Variants in LAMB1 observed in about 807,000 individuals in gnomAD.
LAMB1 encodes the protein laminin subunit beta 1, also known as laminin subunit beta-1.
In LAMB1, 121 loss-of-function variants were observed where a neutral mutation model predicts 222.3. The observed-to-expected ratio is 0.54, with a 90% CI of 0.47 to 0.63. LAMB1 has a LOEUF of 0.63. Ranked by LOEUF, LAMB1 falls within the 30% of genes least tolerant of loss-of-function variation. The pLI is 0.00. For synonymous variants in LAMB1, 794 were observed against 807.2 expected (o/e 0.98, Z 0.28); for missense variants, 2,172 against 2,240.8 (o/e 0.97, Z 0.62).
rs1375803439 is a variant in LAMB1, at chr7:107,937,222, C to A, written c.3817G>T (p.Asp1273Tyr). 6.2e-7 allele frequency: 1 copy of A among 1,613,844 alleles called. No individual in the cohort carries two copies. The highest frequency in any genetic ancestry group is 1.3e-5 in the African/African-American group (1 of 74,902). ...MMAQVEVKLS[D>Y]TTSQSNSTAK... is the part of the protein sequence containing the mutation. ...GTGCTGTTGCTTTGGGAAGTTGTGT[C>A]AGATAATTTCACTTCTACTTGAGCC... is the stretch of plus-strand genomic sequence containing the variant. Residue 1273 changes from aspartate to tyrosine, a missense_variant, in exon 26 of 34, where the codon GAC (aspartate) becomes TAC (tyrosine). Transcript: ENST00000222399.
intron 9 of LAMB1, among the ~76,000 whole-genome samples, 181 bp from the exon 10 acceptor site, chr7:107,976,058 A>C (rs2033847683): frequency 6.6e-6 from 1 of 152,322 alleles, no homozygotes; most frequent in South Asian, 2.1e-4. Context: ...ACCCTAAAGT[A>C]GATGAGAAAT....
chr7:107,985,528 C>T (rs1389193292), intron 7 of LAMB1, among the ~76,000 whole-genome samples: 1 of 152,152 alleles, frequency 6.6e-6, no homozygotes. Flanking sequence ...ACTCGGGAGG[C>T]TGAGGCAGGA....
At chr7:107,996,621 T>C (rs1271317103) in intron 4 of LAMB1, among the ~76,000 whole-genome samples, 1 of 152,230 alleles carries the variant, frequency 6.6e-6, no homozygotes, top group Non-Finnish European at 1.5e-5. Flanking sequence ...ATCTAATCTC[T>C]TGTGACAGAG....
chr7:107,946,117 A>T (rs1038222695), intron 24 of LAMB1, among the ~76,000 whole-genome samples: 1 of 152,124 alleles, frequency 6.6e-6, no homozygotes, highest in Non-Finnish European at 1.5e-5. Context: ...ACACCCTAAG[A>T]TTCAGGTAAT....
intron 24 of LAMB1, among the ~76,000 whole-genome samples, chr7:107,946,819 A>G (rs2033126313): frequency 6.6e-6 from 1 of 152,242 alleles, no homozygotes; most frequent in Non-Finnish European, 1.5e-5. Flanking sequence ...TCTGGGCAAA[A>G]GAACACACTG....
rs757172023 is a variant in LAMB1, at chr7:107,932,304, CCTT to C, written c.4259_4261del (p.Glu1420del). ...GCCAGGCCCCCCACACTTCCTCTCT[CCTT>C]CGTCAGTTCTGCAGTTTGGCCCGCC... On this transcript the variant is annotated inframe_deletion, in exon 28 of 34. Transcript: ENST00000222399. The C allele has an allele frequency of 2.5e-6, 4 of 1,614,106 alleles. No homozygotes were observed. The African/African-American group carries it at 4.0e-5, about 16-fold the overall frequency.
intron 13 of LAMB1, among the ~76,000 whole-genome samples, chr7:107,970,629 C>T (rs2033729843): frequency 1.3e-5 from 2 of 152,012 alleles, no homozygotes; most frequent in African/African-American, 2.4e-5. Context: ...TAGCATTTAC[C>T]TAGCAACCAA....
At chr7:107,928,962 TGTTGA>T in intron 31 of LAMB1, 97 bp downstream of exon 31, 1 of 1,102,150 alleles carries the variant, frequency 9.1e-7, no homozygotes, top group East Asian at 2.4e-5. Context: ...AATCCTTTAA[TGTTGA>T]GTTGTAAGAA....
Position 107,946,269 on chromosome 7 carries a change from T to A in LAMB1, c.3391+4957A>T, listed in dbSNP as rs191788660. Reference sequence around the variant, plus strand: ...GGCAATTTAAATAATTTTTATTTCTTACATGGGATTTTCTTTTTTCTGACA... The same window carrying A: ...GGCAATTTAAATAATTTTTATTTCTAACATGGGATTTTCTTTTTTCTGACA... On this transcript the variant is annotated intron_variant, in intron 24 of 33. Transcript: ENST00000222399. Among the ~76,000 whole-genome samples, 194 of 152,366 alleles carry A rather than the reference T, an allele frequency of 1.3e-3. 1 individual carries two copies. The highest frequency in any genetic ancestry group is 4.5e-3 in the African/African-American group (188 of 41,588).
intron 8 of LAMB1, 68 bp downstream of exon 8, chr7:107,980,541 G>T: frequency 1.5e-6 from 2 of 1,298,656 alleles, no homozygotes; most frequent in Non-Finnish European, 2.2e-6. Flanking sequence ...CTTAAGGTAA[G>T]ACTAGCTTCA....
At chr7:107,941,227 G>A (rs1278622349) in intron 24 of LAMB1, among the ~76,000 whole-genome samples, 2 of 152,164 alleles carry the variant, frequency 1.3e-5, no homozygotes, top group Non-Finnish European at 2.9e-5. Context: ...TTAGCACAGT[G>A]GCTGTGCCCT....
chr7:107,935,099 C>G (rs1336242108), intron 27 of LAMB1, among the ~76,000 whole-genome samples: 2 of 151,850 alleles, frequency 1.3e-5, no homozygotes, highest in African/African-American at 4.8e-5. Context: ...TAAAAAGGAT[C>G]AAGTTTCAGT....
intron 25 of LAMB1, 28 bp from the exon 26 acceptor site, chr7:107,937,305 CATAAA>C: frequency 6.3e-7 from 1 of 1,585,840 alleles, no homozygotes; most frequent in East Asian, 2.2e-5. Context: ...AGCTTACTTA[CATAAA>C]ATAAACCCAA....
At chr7:107,946,862 C>T (rs2033127378) in intron 24 of LAMB1, among the ~76,000 whole-genome samples, 1 of 152,184 alleles carries the variant, frequency 6.6e-6, no homozygotes, top group South Asian at 2.1e-4. Flanking sequence ...AAATGAGAAA[C>T]GAGCATGATG....
At chr7:107,997,399 G>A (rs1191713154) in intron 4 of LAMB1, among the ~76,000 whole-genome samples, 2 of 152,160 alleles carry the variant, frequency 1.3e-5, no homozygotes, top group African/African-American at 4.8e-5. Context: ...TTCCAGCCTA[G>A]GTGAAAGAGG....
chr7:107,930,210 A>C (rs944232726), intron 29 of LAMB1, among the ~76,000 whole-genome samples: 2 of 152,244 alleles, frequency 1.3e-5, no homozygotes, highest in Non-Finnish European at 1.5e-5. Context: ...AACAAAGCCA[A>C]GGAGTTTCAA....
intron 22 of LAMB1, among the ~76,000 whole-genome samples, chr7:107,953,181 AC>A (rs2033296085): frequency 6.6e-6 from 1 of 152,162 alleles, no homozygotes; most frequent in African/African-American, 2.4e-5. Flanking sequence ...ACATGGTGAA[AC>A]CCCGTCTCTA....
Position 108,001,596 on chromosome 7 carries a change from G to A in LAMB1, c.175C>T (p.His59Tyr), listed in dbSNP as rs1329919437. 1 of 1,612,804 alleles carries A rather than the reference G, an allele frequency of 6.2e-7. No homozygotes were observed. The highest frequency in any genetic ancestry group is 1.1e-5 in the South Asian group (1 of 90,860). The change falls in exon 3 of 34, where the codon CAC becomes TAC. Residue 59 changes from histidine (H) to tyrosine (Y), a missense_variant. His to Tyr is a moderately conservative substitution (Grantham distance 83, BLOSUM62 2). Transcript: ENST00000222399. Reference sequence around the variant, plus strand: ...ACGATACAGTAGGGTTCGGGCTTGTGCAGCCCGCACGTCGAGGTCACCGAA... The same window carrying A: ...ACGATACAGTAGGGTTCGGGCTTGTACAGCCCGCACGTCGAGGTCACCGAA... ...KLSVTSTCGL[H>Y]KPEPYCIVSH...
At chr7:107,930,648 CT>C (rs1374761166) in intron 29 of LAMB1, among the ~76,000 whole-genome samples, 1 of 152,176 alleles carries the variant, frequency 6.6e-6, no homozygotes, top group Non-Finnish European at 1.5e-5. Context: ...CTAGGGAAGA[CT>C]TCCTCCTTTT....
Sources: gnomAD v4.1 joint callset for allele counts (sites outside exome capture counted in the v4.1 genomes callset) on GRCh38, gnomAD v4.1.1 for gene constraint, MANE v1.5 for transcripts, NCBI Gene and HGNC (gene_info 2026-07-23, HGNC 2026-07-21) for gene names.